The following AKNAD1 variants were observed in gnomAD, a reference collection of about 807,000 sequenced individuals.
The protein encoded by AKNAD1 is protein AKNAD1.
A neutral mutation model predicts 90.8 loss-of-function variants in AKNAD1; 67 were observed. That is an observed-to-expected ratio of 0.74 (90% CI 0.61 to 0.90). The LOEUF is 0.90. AKNAD1 is among the 40% of genes least tolerant of loss of function. The probability of loss-of-function intolerance (pLI) is 0.00; values close to 1 mark genes in which losing one functional copy is unlikely to be tolerated. For missense variants in AKNAD1, 957 were observed against 975.4 expected, an observed-to-expected ratio of 0.98 and a Z score of 0.25; for synonymous variants, 327 against 341.4, an observed-to-expected ratio of 0.96 and a Z score of 0.46.
rs187694795 is a variant in AKNAD1, at chr1:108,830,344, T to A, written c.1838+215A>T. 7.8e-4 allele frequency among the ~76,000 whole-genome samples: 118 copies of A among 152,252 alleles called. 4 individuals are homozygous for A. Among genetic ancestry groups the A allele is most frequent in the Admixed American group, 7.1e-3 (108 of 15,290 alleles). On this transcript the variant is annotated intron_variant, in intron 10 of 15. Coordinates refer to ENST00000370001, the MANE Select transcript of AKNAD1 (RefSeq NM_152763.5). ...TGGAGGCATGTGCATGATTGTAAAA[T>A]CTCCCATGGTGATTTTGATGGTCTC...
chr1:108,851,532 G>A (rs565810708), intron 2 of AKNAD1, 140 bp downstream of exon 2: 37 of 703,774 alleles, frequency 5.3e-5, no homozygotes, highest in East Asian at 3.9e-4. Context: ...GAGTGGCCAC[G>A]TCACTCATCC....
chr1:108,837,673 C>T lies in AKNAD1; in HGVS notation c.1413G>A (p.Met471Ile), dbSNP rs1664427699. The T allele has an allele frequency of 6.2e-7, 1 of 1,614,170 alleles. No individual in the cohort carries two copies. Among genetic ancestry groups the T allele is most frequent in the Admixed American group, 1.7e-5 (1 of 60,024 alleles). ...KVEGEIFKLE[M>I]LLEDVKEKMD... Reference sequence around the variant, plus strand: ...TTTTCTCTTTAACATCTTCAAGCAGCATCTCCAATTTGAAGATTTCACCTT... The same window carrying T: ...TTTTCTCTTTAACATCTTCAAGCAGTATCTCCAATTTGAAGATTTCACCTT... The change falls in exon 7 of 16, where the codon ATG becomes ATA. Residue 471 changes from methionine to isoleucine, a missense_variant. Physicochemically the swap from Met to Ile is conservative, Grantham distance 10 (BLOSUM62 1). Coordinates refer to ENST00000370001, the MANE Select transcript of AKNAD1 (RefSeq NM_152763.5).
rs150900836 is a variant in AKNAD1, at chr1:108,822,936, A to G, written c.2167+434T>C. ...TTTTTCAAAGACAGCAAATTTTTGC[A>G]TTGGAAGTTAGCAACATGATGTCTA... On this transcript the variant is annotated intron_variant, in intron 13 of 15. Transcript: ENST00000370001. 73 of 414,638 alleles carry G rather than the reference A, an allele frequency of 1.8e-4. No homozygotes were observed. The East Asian group carries it at 2.7e-3, about 15-fold the overall frequency. 25.7% of individuals were successfully genotyped at this position (414,638 alleles called of 1,614,324 possible).
chr1:108,840,582 G>A (rs1664523606), intron 6 of AKNAD1, among the ~76,000 whole-genome samples: 1 of 152,082 alleles, frequency 6.6e-6, no homozygotes, highest in Non-Finnish European at 1.5e-5. Context: ...ATTTTAAAAA[G>A]AAGAAACATT....
intron 13 of AKNAD1, among the ~76,000 whole-genome samples, chr1:108,821,138 G>A (rs1485717705): frequency 1.3e-5 from 2 of 151,572 alleles, no homozygotes; most frequent in African/African-American, 4.9e-5. Context: ...CTGAACTTAG[G>A]AAAAGAAATT....
At chr1:108,852,793 T>G in intron 1 of AKNAD1, 26 bp from the exon 2 acceptor site, 1 of 779,064 alleles carries the variant, frequency 1.3e-6, no homozygotes, top group East Asian at 2.6e-5. Context: ...ACAGCCTCAT[T>G]GTTAAATATA....
chr1:108,831,209 C>G (rs1664184799), intron 9 of AKNAD1, among the ~76,000 whole-genome samples: 1 of 152,246 alleles, frequency 6.6e-6, no homozygotes, highest in African/African-American at 2.4e-5. Flanking sequence ...AATTACTCCA[C>G]TGACCTGTGA....
chr1:108,850,890 G>A (rs558114985), intron 2 of AKNAD1, among the ~76,000 whole-genome samples: 1 of 150,840 alleles, frequency 6.6e-6, no homozygotes, highest in African/African-American at 2.4e-5. Context: ...GTTGGTGGGG[G>A]AGTGTGAGAA....
At chr1:108,852,894 CCACAA>C in intron 1 of AKNAD1, 127 bp from the exon 2 acceptor site, 1 of 360,590 alleles carries the variant, frequency 2.8e-6, no homozygotes. Context: ...GGAAGCTCAA[CCACAA>C]GCTGACCCAA....
At chr1:108,818,892 G>A (rs1446801613) in intron 14 of AKNAD1, among the ~76,000 whole-genome samples, 1 of 149,210 alleles carries the variant, frequency 6.7e-6, no homozygotes, top group Non-Finnish European at 1.5e-5. Flanking sequence ...GAACCTGGTG[G>A]GGCAGAGGTT....
At chr1:108,851,541 C>T in intron 2 of AKNAD1, 131 bp downstream of exon 2, 5 of 815,584 alleles carry the variant, frequency 6.1e-6, no homozygotes, top group Non-Finnish European at 9.4e-6. Flanking sequence ...CGTCACTCAT[C>T]CAGGGTGACC....
Position 108,856,929 on chromosome 1 carries a change from C to G in AKNAD1, c.-104G>C, listed in dbSNP as rs1444120980. On this transcript the variant is annotated splice_region_variant and 5_prime_UTR_variant, in exon 1 of 16. Transcript: ENST00000370001. ...TTTTCTGGAAAAGGACAATCCATACCCTTAGCAAGGTAATGAGCTTCTTTG... is the reference window on the plus strand; with the variant it reads ...TTTTCTGGAAAAGGACAATCCATACGCTTAGCAAGGTAATGAGCTTCTTTG... 1 of 152,082 alleles carries G rather than the reference C, an allele frequency of 6.6e-6. No individual in the cohort carries two copies. The highest frequency in any genetic ancestry group is 1.5e-5 in the Non-Finnish European group (1 of 68,024). 9.4% of individuals were successfully genotyped at this position (152,082 alleles called of 1,614,324 possible).
At chr1:108,828,358 T>C (rs1281917686) in intron 10 of AKNAD1, among the ~76,000 whole-genome samples, 1 of 151,740 alleles carries the variant, frequency 6.6e-6, no homozygotes, top group Non-Finnish European at 1.5e-5. Flanking sequence ...GTGGCCCACC[T>C]GCAGCTTCCT....
chr1:108,827,298 G>C lies in AKNAD1; in HGVS notation c.1843C>G (p.Gln615Glu), dbSNP rs888382793. The C allele has an allele frequency of 6.2e-7, 1 of 1,606,762 alleles. No individual in the cohort carries two copies. The highest frequency in any genetic ancestry group is 1.7e-5 in the Admixed American group (1 of 59,360). The change falls in exon 11 of 16, where the codon CAA becomes GAA. Residue 615 changes from glutamine (Q) to glutamate (E), a missense_variant. Coordinates refer to ENST00000370001, the MANE Select transcript of AKNAD1 (RefSeq NM_152763.5). ...CCGTGGCCCTTTTTCTCCACGTTTT[G>C]CTTCCTAAAAAAAGGTGCATAAGAT... ...AFCRRLLEWK[Q>E]NVEKKGHGRI...
intron 1 of AKNAD1, among the ~76,000 whole-genome samples, chr1:108,855,966 C>G (rs1365703946): frequency 6.6e-6 from 1 of 150,790 alleles, no homozygotes; most frequent in Non-Finnish European, 1.5e-5. Context: ...ATCTTCCTCC[C>G]TTAGCCTCCT....
chr1:108,847,728 C>T (rs561076295), intron 5 of AKNAD1, among the ~76,000 whole-genome samples: 1 of 152,282 alleles, frequency 6.6e-6, no homozygotes, highest in African/African-American at 2.4e-5. Context: ...TTCTGCAACA[C>T]CCAGCTCAGA....
intron 7 of AKNAD1, among the ~76,000 whole-genome samples, chr1:108,836,514 G>A (rs1664393073): frequency 6.6e-6 from 1 of 152,224 alleles, no homozygotes; most frequent in Non-Finnish European, 1.5e-5. Context: ...TGGCTGACTA[G>A]GGATGCATAA....
At chr1:108,830,789 C>A in intron 9 of AKNAD1, 139 bp from the exon 10 acceptor site, 2 of 747,934 alleles carry the variant, frequency 2.7e-6, no homozygotes, top group South Asian at 3.2e-5. Flanking sequence ...ACCTCTCCTC[C>A]AGTTGGGGAA....
intron 14 of AKNAD1, 91 bp from the exon 15 acceptor site, chr1:108,817,268 G>A: frequency 6.5e-7 from 1 of 1,534,940 alleles, no homozygotes; most frequent in Non-Finnish European, 8.8e-7. Context: ...TAATGGCTCT[G>A]TGTGGTTTGG....
Sources: allele counts gnomAD v4.1 joint callset (sites outside exome capture counted in the v4.1 genomes callset), GRCh38; gene constraint gnomAD v4.1.1; transcripts MANE v1.5; gene names NCBI Gene and HGNC (gene_info 2026-07-23, HGNC 2026-07-21).